The following EIF4EBP2 variants were observed in gnomAD, a reference collection of about 807,000 sequenced individuals.
The protein encoded by EIF4EBP2 is eukaryotic translation initiation factor 4E-binding protein 2.
In EIF4EBP2, 5 loss-of-function variants were observed where a neutral mutation model predicts 10.3. That is an observed-to-expected ratio of 0.48 (90% CI 0.25 to 1.02). The LOEUF (loss-of-function observed/expected upper bound fraction) is 1.02, where lower values mean the gene tolerates loss of function less well. Among genes scored for constraint, EIF4EBP2 ranks in the 50% least tolerant of loss-of-function variants. The pLI, the probability that EIF4EBP2 is intolerant of heterozygous loss-of-function variation, is 0.15. For missense variants in EIF4EBP2, 188 were observed against 162.2 expected, an observed-to-expected ratio of 1.16 and a Z score of -0.86; for synonymous variants, 67 against 61.1, an observed-to-expected ratio of 1.10 and a Z score of -0.45.
intron 1 of EIF4EBP2, among the ~76,000 whole-genome samples, chr10:70,408,150 C>T (rs1322086787): frequency 2.1e-5 from 1 of 47,862 alleles, no homozygotes; most frequent in African/African-American, 7.9e-5. Flanking sequence ...GCTGGCCAGG[C>T]GGGGGGCTGA....
At position 70,420,069 on chromosome 10, in the gene EIF4EBP2, T is replaced by C; in HGVS notation, c.301T>C (p.Leu101=). The C allele has an allele frequency of 3.7e-6, 6 of 1,610,154 alleles. No homozygotes were observed. The highest frequency in any genetic ancestry group is 5.1e-6 in the Non-Finnish European group (6 of 1,178,796). Reference sequence around the variant, plus strand: ...AGTAGAAGTAAACAATTTGAACAACTTGAACAATCACGACAGGAAACATGC... The same window carrying C: ...AGTAGAAGTAAACAATTTGAACAACCTGAACAATCACGACAGGAAACATGC... ...SKVEVNNLNN[L]NNHDRKHAVG... is the part of the protein sequence containing the mutation. Residue 101 remains leucine (L), a synonymous_variant, in exon 2 of 3, where the codon TTG becomes CTG. Coordinates refer to ENST00000373218, the MANE Select transcript of EIF4EBP2 (RefSeq NM_004096.5).
At chr10:70,407,638 C>T (rs1251299763) in intron 1 of EIF4EBP2, among the ~76,000 whole-genome samples, 3 of 151,910 alleles carry the variant, frequency 2.0e-5, no homozygotes, top group Admixed American at 6.5e-5. Flanking sequence ...AGTACACCTC[C>T]CAGATGGGGT....
At chr10:70,416,960 A>C (rs1376213424) in intron 1 of EIF4EBP2, among the ~76,000 whole-genome samples, 1 of 152,120 alleles carries the variant, frequency 6.6e-6, no homozygotes, top group African/African-American at 2.4e-5. Context: ...ATGCCTGGCT[A>C]ATTCCACTTT....
At chr10:70,407,529 C>T (rs1163504166) in intron 1 of EIF4EBP2, among the ~76,000 whole-genome samples, 3 of 152,026 alleles carry the variant, frequency 2.0e-5, no homozygotes, top group East Asian at 1.9e-4. Flanking sequence ...TACACAGACA[C>T]GGCAACCATC....
rs1240064750 is a variant in EIF4EBP2 at position 70,426,891 on chromosome 10, G to T, written c.*5144G>T. 6.6e-6 allele frequency: 1 copy of T among 152,300 alleles called. No individual in the cohort carries two copies. Among genetic ancestry groups the T allele is most frequent in the Non-Finnish European group, 1.5e-5 (1 of 68,050 alleles). 9.4% of individuals were successfully genotyped at this position (152,300 alleles called of 1,614,324 possible). ...CTTCATTCTCATTAGAATGCAGCCT[G>T]CTGAGTATGTGGGTTTCACTGCCGG... On this transcript the variant is annotated 3_prime_UTR_variant, in exon 3 of 3. Transcript: ENST00000373218.
intron 1 of EIF4EBP2, among the ~76,000 whole-genome samples, chr10:70,418,857 C>A (rs894966675): frequency 6.6e-6 from 1 of 152,090 alleles, no homozygotes; most frequent in East Asian, 1.9e-4. Context: ...GCTCTGTTGC[C>A]CAGGCTGGAG....
At chr10:70,415,681 A>G (rs959752046) in intron 1 of EIF4EBP2, among the ~76,000 whole-genome samples, 1 of 152,246 alleles carries the variant, frequency 6.6e-6, no homozygotes, top group Non-Finnish European at 1.5e-5. Flanking sequence ...GAAAAAGAAC[A>G]GTTTTCAACA....
intron 1 of EIF4EBP2, 56 bp downstream of exon 1, chr10:70,404,602 C>G (rs1844949054): frequency 6.9e-7 from 1 of 1,457,514 alleles, no homozygotes; most frequent in East Asian, 3.0e-5. Flanking sequence ...TCCTCTAACT[C>G]CTCGGCGCCT....
Position 70,421,785 on chromosome 10 carries a change from A to T in EIF4EBP2, c.*38A>T. 1.2e-6 allele frequency: 2 copies of T among 1,606,188 alleles called. No individual in the cohort carries two copies. The highest frequency in any genetic ancestry group is 1.7e-6 in the Non-Finnish European group (2 of 1,174,646). On this transcript the variant is annotated 3_prime_UTR_variant, in exon 3 of 3. Transcript: ENST00000373218. ...GATTAGAAGAAAAGCAGCAACACTG[A>T]TACTTGTGTGCACCTGATTTGGCCA...
Position 70,422,036 on chromosome 10 carries a change from G to T in EIF4EBP2, c.*289G>T. ...CCTTAGAGGAAAACAGTTCAACTCT[G>T]ACTTTCCTAGTTGTTTTTTTATTGA... On this transcript the variant is annotated 3_prime_UTR_variant, in exon 3 of 3. Coordinates refer to ENST00000373218, the MANE Select transcript of EIF4EBP2 (RefSeq NM_004096.5). 2.5e-6 allele frequency: 1 copy of T among 403,538 alleles called. No individual in the cohort carries two copies. The allele number at this position is 403,538 out of a possible 1,614,324, so 25.0% of individuals were successfully genotyped here.
intron 1 of EIF4EBP2, among the ~76,000 whole-genome samples, chr10:70,414,094 A>AT (rs1845069494): frequency 6.6e-6 from 1 of 152,192 alleles, no homozygotes; most frequent in African/African-American, 2.4e-5. Flanking sequence ...AATATTTTAG[A>AT]TTTTTTAATA....
intron 1 of EIF4EBP2, among the ~76,000 whole-genome samples, chr10:70,419,234 A>T (rs1036403647): frequency 2.6e-5 from 4 of 152,118 alleles, no homozygotes; most frequent in African/African-American, 9.7e-5. Context: ...GTACCTGTTG[A>T]CCATTTGTAA....
intron 1 of EIF4EBP2, among the ~76,000 whole-genome samples, chr10:70,408,197 G>A (rs1320794838): frequency 2.1e-5 from 3 of 140,628 alleles, no homozygotes; most frequent in East Asian, 2.2e-4. Flanking sequence ...GCGGCTGGCC[G>A]GGCGGGGGGC....
chr10:70,420,153 T>C (rs1430582569), intron 2 of EIF4EBP2, 54 bp downstream of exon 2: 5 of 1,498,430 alleles, frequency 3.3e-6, no homozygotes, highest in East Asian at 2.4e-5. Context: ...AATTTGAATG[T>C]CTGTTTGCTG....
At chr10:70,407,676 TC>T (rs1844988083) in intron 1 of EIF4EBP2, among the ~76,000 whole-genome samples, 1 of 149,246 alleles carries the variant, frequency 6.7e-6, no homozygotes, top group African/African-American at 2.5e-5. Context: ...GCTCCTCACT[TC>T]CCAGTAGGAG....
At chr10:70,407,760 C>T (rs1051377621) in intron 1 of EIF4EBP2, among the ~76,000 whole-genome samples, 6 of 129,058 alleles carry the variant, frequency 4.6e-5, no homozygotes, top group Admixed American at 1.5e-4. Flanking sequence ...CCAGACGGGG[C>T]GGCTGGCCGG....
At chr10:70,409,558 A>G (rs983846801) in intron 1 of EIF4EBP2, among the ~76,000 whole-genome samples, 2 of 152,212 alleles carry the variant, frequency 1.3e-5, no homozygotes, top group African/African-American at 4.8e-5. Flanking sequence ...TATCCTGATC[A>G]CTATTCCAGT....
chr10:70,418,903 A>G (rs973977363), intron 1 of EIF4EBP2, among the ~76,000 whole-genome samples: 2 of 152,070 alleles, frequency 1.3e-5, no homozygotes, highest in African/African-American at 2.4e-5. Context: ...GTAGCCTCGA[A>G]CTCCTGGACT....
chr10:70,413,995 TGGAG>T (rs1241882430), intron 1 of EIF4EBP2, among the ~76,000 whole-genome samples: 1 of 152,210 alleles, frequency 6.6e-6, no homozygotes, highest in African/African-American at 2.4e-5. Context: ...GACATAGCGT[TGGAG>T]GGAGTCTGGG....
Sources: allele counts gnomAD v4.1 joint callset (sites outside exome capture counted in the v4.1 genomes callset), GRCh38; gene constraint gnomAD v4.1.1; transcripts MANE v1.5; gene names NCBI Gene and HGNC (gene_info 2026-07-23, HGNC 2026-07-21).